Variants in ROBO2 observed in about 807,000 individuals in gnomAD.
ROBO2 encodes roundabout guidance receptor 2.
Under a neutral mutation model 160.8 loss-of-function variants are expected in ROBO2, and 53 were observed. The observed-to-expected ratio is 0.33, with a 90% CI of 0.26 to 0.41. ROBO2 has a LOEUF of 0.41. Among genes scored for constraint, ROBO2 ranks in the 10% least tolerant of loss-of-function variants. ROBO2 has a pLI of 1.00. For missense variants in ROBO2, 1,577 were observed against 1,722.4 expected (o/e 0.92, Z 1.49); for synonymous variants, 664 against 611.7 (o/e 1.09, Z -1.26).
intron 2 of ROBO2, among the ~76,000 whole-genome samples, chr3:76,410,440 T>C (rs2075429241): frequency 6.6e-6 from 1 of 152,132 alleles, no homozygotes; most frequent in African/African-American, 2.4e-5. Context: ...ATTTAGAATA[T>C]TGAAATGGAT....
intron 1 of ROBO2, among the ~76,000 whole-genome samples, chr3:77,081,551 G>A (rs2068659627): frequency 6.6e-6 from 1 of 152,208 alleles, no homozygotes. Flanking sequence ...ATTAAAGGTT[G>A]TGCCAAGTCA....
intron 2 of ROBO2, among the ~76,000 whole-genome samples, chr3:77,293,900 G>C (rs2061651981): frequency 1.4e-5 from 2 of 141,296 alleles, no homozygotes; most frequent in Non-Finnish European, 3.0e-5. Context: ...AAACGAGTAA[G>C]CTGCAGCTAG....
chr3:77,551,551 G>A (rs1029001424), intron 8 of ROBO2, among the ~76,000 whole-genome samples: 1 of 152,016 alleles, frequency 6.6e-6, no homozygotes, highest in Non-Finnish European at 1.5e-5. Flanking sequence ...CATAGTGAAA[G>A]TTGAAAAGGA....
At chr3:76,337,807 A>AATAGAC (rs2073986119) in intron 2 of ROBO2, among the ~76,000 whole-genome samples, 1 of 152,198 alleles carries the variant, frequency 6.6e-6, no homozygotes, top group Admixed American at 6.5e-5. Context: ...TATTCACCTC[A>AATAGAC]ATAGTTGTCT....
At chr3:76,425,579 A>G (rs950433609) in intron 2 of ROBO2, among the ~76,000 whole-genome samples, 2 of 151,804 alleles carry the variant, frequency 1.3e-5, no homozygotes, top group Non-Finnish European at 2.9e-5. Flanking sequence ...AATGCCTAGG[A>G]TAAAACTGCT....
rs144783171 is a variant in ROBO2, at chr3:76,616,327, T to C, written c.110-481687T>C. Among the ~76,000 whole-genome samples the C allele has an allele frequency of 3.3e-5, 5 of 152,316 alleles. No homozygotes were observed. The East Asian group carries it at 9.7e-4, about 29-fold the overall frequency. On this transcript the variant is annotated intron_variant, in intron 2 of 26. Coordinates refer to the ROBO2 transcript ENST00000487694. ...TTAAAAGCTGAGTTAATGTAGAAAC[T>C]ATAAAAGCTCAAGAGAGATAGAAGT...
intron 2 of ROBO2, among the ~76,000 whole-genome samples, chr3:76,152,060 G>A (rs894334174): frequency 1.3e-5 from 2 of 152,110 alleles, no homozygotes; most frequent in African/African-American, 4.8e-5. Context: ...TTTCTAATGA[G>A]CTTTAAAAGG....
At chr3:76,366,818 A>G (rs1160682008) in intron 2 of ROBO2, among the ~76,000 whole-genome samples, 3 of 152,012 alleles carry the variant, frequency 2.0e-5, no homozygotes, top group Admixed American at 2.0e-4. Context: ...TTAAGCAGAG[A>G]AATAATAATT....
chr3:77,005,211 C>G (rs896473177), intron 2 of ROBO2, among the ~76,000 whole-genome samples: 1 of 152,158 alleles, frequency 6.6e-6, no homozygotes, highest in African/African-American at 2.4e-5. Flanking sequence ...TGGCCGCCGC[C>G]TTGCTGTGGT....
At chr3:76,543,580 T>A (rs1247553627) in intron 2 of ROBO2, among the ~76,000 whole-genome samples, 1 of 152,092 alleles carries the variant, frequency 6.6e-6, no homozygotes, top group African/African-American at 2.4e-5. Context: ...AGGATTGCCA[T>A]TTGCTAGCTC....
In ROBO2 at chr3:76,613,686, C is replaced by T. The variant is rs186744887; in HGVS notation, c.110-484328C>T. 3.2e-4 allele frequency among the ~76,000 whole-genome samples: 48 copies of T among 151,646 alleles called. 1 individual carries two copies. The highest frequency in any genetic ancestry group is 2.3e-3 in the Admixed American group (35 of 15,210). On this transcript the variant is annotated intron_variant, in intron 2 of 26. Coordinates refer to the ROBO2 transcript ENST00000487694. The stretch of plus-strand genomic sequence containing the variant: ...TATGTATTTGTAGAAAGGAGAGGGG[C>T]GTGAGTTAAAGATAAAGTGACTAAT...
At chr3:77,484,558 T>C (rs1312146389) in intron 4 of ROBO2, among the ~76,000 whole-genome samples, 1 of 151,092 alleles carries the variant, frequency 6.6e-6, no homozygotes, top group Non-Finnish European at 1.5e-5. Flanking sequence ...TTTCTCATCA[T>C]TTTACGTTCT....
intron 2 of ROBO2, among the ~76,000 whole-genome samples, chr3:76,254,734 T>TCA (rs1706250698): frequency 8.2e-6 from 1 of 121,342 alleles, no homozygotes; most frequent in South Asian, 2.8e-4. Context: ...ATACTCTCTC[T>TCA]CAGAGAGAGA....
intron 2 of ROBO2, among the ~76,000 whole-genome samples, chr3:77,116,166 C>T (rs2074179494): frequency 1.3e-5 from 2 of 152,178 alleles, no homozygotes; most frequent in Admixed American, 1.3e-4. Context: ...CAGCGTAGTG[C>T]GTCTAATCTC....
intron 2 of ROBO2, among the ~76,000 whole-genome samples, chr3:77,340,886 A>G (rs2066989209): frequency 6.6e-6 from 1 of 152,168 alleles, no homozygotes; most frequent in African/African-American, 2.4e-5. Flanking sequence ...AGGCTGAAAA[A>G]AAGTTTAGCT....
rs754193459 is a variant in ROBO2, at chr3:77,595,146, G to A, written c.2688G>A (p.Thr896=). The A allele has an allele frequency of 1.7e-5, 28 of 1,610,752 alleles. No individual in the cohort carries two copies. Among genetic ancestry groups the A allele is most frequent in the South Asian group, 1.2e-4 (11 of 90,896 alleles). Residue 896 remains threonine, a synonymous_variant, in exon 18 of 26, where the codon ACG becomes ACA. Coordinates refer to ENST00000461745, the Ensembl canonical transcript of ROBO2. ...CCTTTTTTTCTTTTTTCATAGTTAC[G>A]TTTCAAAGAGGAGATGGAGGACTAA...
chr3:76,852,822 G>T lies in ROBO2; in HGVS notation c.110-245192G>T, dbSNP rs2069552748. On this transcript the variant is annotated intron_variant, in intron 2 of 26. Coordinates refer to the ROBO2 transcript ENST00000487694. ...CTGCCTATTTGCTTGGCAGTTGGTGGTACATTCACTGTTATATATATGTCG... is the reference window on the plus strand; with the variant it reads ...CTGCCTATTTGCTTGGCAGTTGGTGTTACATTCACTGTTATATATATGTCG... 2.6e-5 allele frequency among the ~76,000 whole-genome samples: 4 copies of T among 151,522 alleles called. No homozygotes were observed. The South Asian group carries it at 8.3e-4, about 31-fold the overall frequency.
chr3:77,387,190 T>C (rs779601168), intron 2 of ROBO2, among the ~76,000 whole-genome samples: 3 of 151,494 alleles, frequency 2.0e-5, no homozygotes, highest in Non-Finnish European at 4.4e-5. Flanking sequence ...ATGCCCCTGG[T>C]GGGTGTGTGA....
chr3:77,520,904 G>A (rs1386263367), intron 5 of ROBO2, among the ~76,000 whole-genome samples: 4 of 151,238 alleles, frequency 2.6e-5, no homozygotes, highest in South Asian at 2.1e-4. Context: ...AACAGAAAGT[G>A]TTTATCTGCA....
Sources: gnomAD v4.1 joint callset for allele counts (sites outside exome capture counted in the v4.1 genomes callset) on GRCh38, gnomAD v4.1.1 for gene constraint, MANE v1.5 for transcripts, NCBI Gene and HGNC (gene_info 2026-07-23, HGNC 2026-07-21) for gene names.